Variants in TENM4 observed in about 807,000 individuals in gnomAD.
TENM4 encodes the protein teneurin-4.
In TENM4, 82 loss-of-function variants were observed where a neutral mutation model predicts 243.3. The ratio of observed to expected loss-of-function variants is 0.34; its 90% confidence interval spans 0.28 to 0.40. TENM4 has a LOEUF of 0.40. TENM4 is among the 10% of genes least tolerant of loss of function. The probability of loss-of-function intolerance (pLI) is 1.00; values close to 1 mark genes in which losing one functional copy is unlikely to be tolerated. For missense variants in TENM4, 3,138 were observed against 3,673.3 expected (o/e 0.85, Z 3.77); for synonymous variants, 1,412 against 1,456.3 (o/e 0.97, Z 0.69).
chr11:79,305,727 C>G (rs1856615724), intron 1 of TENM4, among the ~76,000 whole-genome samples: 1 of 152,314 alleles, frequency 6.6e-6, no homozygotes, highest in East Asian at 1.9e-4. Flanking sequence ...CAGATTTGTC[C>G]TTGAGATAAT....
intron 4 of TENM4, among the ~76,000 whole-genome samples, chr11:79,074,508 C>T (rs149646430): frequency 6.8e-4 from 103 of 152,342 alleles, no homozygotes; most frequent in South Asian, 3.1e-3. Context: ...AACCCATGAG[C>T]GTGACATCCA....
chr11:78,905,061 G>C (rs1856033060), intron 6 of TENM4, among the ~76,000 whole-genome samples: 1 of 152,146 alleles, frequency 6.6e-6, no homozygotes, highest in African/African-American at 2.4e-5. Flanking sequence ...TGTAAAATAG[G>C]GGAAATAGTT....
Position 78,908,246 on chromosome 11 carries a change from A to G in TENM4, c.494-4723T>C, listed in dbSNP as rs568405041. ...GCCACTTAGAAGCTGTGTGACTGTC[A>G]TCAAGTCACTTACTTTCTCTGGAGC... On this transcript the variant is annotated intron_variant, in intron 6 of 33. Coordinates refer to ENST00000278550, the MANE Select transcript of TENM4 (RefSeq NM_001098816.3). Among the ~76,000 whole-genome samples the G allele has an allele frequency of 5.3e-5, 8 of 152,336 alleles. No homozygotes were observed. In the South Asian group the frequency reaches 1.7e-3, roughly 32 times the overall value.
chr11:79,249,093 A>G (rs2135299712), intron 2 of TENM4, among the ~76,000 whole-genome samples: 1 of 152,364 alleles, frequency 6.6e-6, no homozygotes, highest in East Asian at 1.9e-4. Context: ...GCATGCAGTA[A>G]CAATTACTAA....
chr11:78,736,290 C>A (rs965234757), intron 20 of TENM4, among the ~76,000 whole-genome samples: 13 of 152,104 alleles, frequency 8.5e-5, no homozygotes, highest in Non-Finnish European at 1.9e-4. Context: ...ATTTTTAATT[C>A]AATGAGCCTA....
chr11:79,302,210 G>T (rs1175300579), intron 1 of TENM4, among the ~76,000 whole-genome samples: 1 of 152,134 alleles, frequency 6.6e-6, no homozygotes, highest in Non-Finnish European at 1.5e-5. Context: ...ATTAACACAG[G>T]TCTTCACACA....
At chr11:79,430,574 A>G (rs1859146775) in intron 1 of TENM4, among the ~76,000 whole-genome samples, 1 of 152,232 alleles carries the variant, frequency 6.6e-6, no homozygotes. Context: ...CACCCCAGGC[A>G]TGGAAGACAT....
At chr11:78,940,301 A>T (rs1159331169) in intron 6 of TENM4, among the ~76,000 whole-genome samples, 1 of 152,244 alleles carries the variant, frequency 6.6e-6, no homozygotes, top group Non-Finnish European at 1.5e-5. Flanking sequence ...ATGTTATTTT[A>T]CCAACCTCCT....
Position 79,380,336 on chromosome 11 carries a change from A to G in TENM4, c.-321+60173T>C, listed in dbSNP as rs185073686. On this transcript the variant is annotated intron_variant, in intron 1 of 33. Transcript: ENST00000278550. The stretch of plus-strand genomic sequence containing the variant: ...AAAAAAAAAAAGAAGAGAGGAAGAG[A>G]ATGAATGACAACACAAGGCTGCACT... Among the ~76,000 whole-genome samples the G allele has an allele frequency of 9.9e-5, 15 of 151,146 alleles. 1 individual carries two copies. The highest frequency in any genetic ancestry group is 9.9e-4 in the Admixed American group (15 of 15,204).
chr11:78,751,436 G>A (rs1425431305), intron 19 of TENM4, among the ~76,000 whole-genome samples: 1 of 152,092 alleles, frequency 6.6e-6, no homozygotes, highest in South Asian at 2.1e-4. Flanking sequence ...TAACCTATTA[G>A]AATTAGAGGA....
chr11:78,788,426 G>A (rs1208528560), intron 15 of TENM4, among the ~76,000 whole-genome samples: 6 of 152,248 alleles, frequency 3.9e-5, no homozygotes, highest in Non-Finnish European at 7.3e-5. Context: ...CTCTGACCTG[G>A]AGCCAGGGAC....
chr11:78,915,399 C>T (rs1283817254), intron 6 of TENM4, among the ~76,000 whole-genome samples: 1 of 152,096 alleles, frequency 6.6e-6, no homozygotes, highest in East Asian at 1.9e-4. Flanking sequence ...ATATCATAGC[C>T]TGTGTGAGGC....
intron 15 of TENM4, among the ~76,000 whole-genome samples, chr11:78,801,543 C>A (rs2136076300): frequency 6.6e-6 from 1 of 152,304 alleles, no homozygotes; most frequent in Admixed American, 6.6e-5. Context: ...TTCCACAAAC[C>A]TAACCAAAGT....
At chr11:78,918,765 G>A (rs998316509) in intron 6 of TENM4, among the ~76,000 whole-genome samples, 1 of 152,124 alleles carries the variant, frequency 6.6e-6, no homozygotes, top group Non-Finnish European at 1.5e-5. Flanking sequence ...ATGTCATTCT[G>A]TATTTTCTTT....
intron 6 of TENM4, among the ~76,000 whole-genome samples, chr11:79,002,181 C>T (rs1010742288): frequency 6.6e-5 from 10 of 152,352 alleles, no homozygotes; most frequent in Non-Finnish European, 1.3e-4. Flanking sequence ...CCCTGCACCT[C>T]CCCTTCTGTA....
intron 6 of TENM4, among the ~76,000 whole-genome samples, chr11:78,952,025 A>G (rs1857117698): frequency 6.6e-6 from 1 of 152,092 alleles, no homozygotes; most frequent in African/African-American, 2.4e-5. Flanking sequence ...CTCCGTCACC[A>G]GTTCCCCTTA....
chr11:79,363,968 T>A (rs1362621035), intron 1 of TENM4, among the ~76,000 whole-genome samples: 1 of 152,218 alleles, frequency 6.6e-6, no homozygotes, highest in African/African-American at 2.4e-5. Context: ...TTTCTGGGTC[T>A]GGTCCTTCAA....
At chr11:79,217,737 T>C (rs74477337) in intron 2 of TENM4, among the ~76,000 whole-genome samples, 1 of 152,054 alleles carries the variant, frequency 6.6e-6, no homozygotes, top group African/African-American at 2.4e-5. Flanking sequence ...TTTTTTTTTT[T>C]TGAGATGAGG....
rs143627321 is a variant in TENM4 at position 79,411,928 on chromosome 11, C to G, written c.-321+28581G>C. 2.6e-5 allele frequency among the ~76,000 whole-genome samples: 4 copies of G among 152,326 alleles called. No homozygotes were observed. In the East Asian group the frequency reaches 7.7e-4, roughly 29 times the overall value. On this transcript the variant is annotated intron_variant, in intron 1 of 33. Transcript: ENST00000278550. Reference sequence around the variant, plus strand: ...CAACATTATTAAACATCAACAAATGCTCATCTTCAAGAGGAAATTCTATGG... The same window carrying G: ...CAACATTATTAAACATCAACAAATGGTCATCTTCAAGAGGAAATTCTATGG...
Sources: gnomAD v4.1 joint callset for allele counts (sites outside exome capture counted in the v4.1 genomes callset) on GRCh38, gnomAD v4.1.1 for gene constraint, MANE v1.5 for transcripts, NCBI Gene and HGNC (gene_info 2026-07-23, HGNC 2026-07-21) for gene names.